COP1: variants seen among roughly 807,000 people sequenced by gnomAD.
COP1 encodes COP1 E3 ubiquitin ligase.
A neutral mutation model predicts 101.3 loss-of-function variants in COP1; 24 were observed. The observed-to-expected ratio is 0.24, with a 90% CI of 0.17 to 0.33. The LOEUF is 0.33. Ranked by LOEUF, COP1 falls within the 10% of genes least tolerant of loss-of-function variation. The probability of loss-of-function intolerance (pLI) is 1.00; values close to 1 mark genes in which losing one functional copy is unlikely to be tolerated. For missense variants in COP1, 663 were observed against 906.2 expected, an observed-to-expected ratio of 0.73 and a Z score of 3.45; for synonymous variants, 347 against 341.9, an observed-to-expected ratio of 1.01 and a Z score of -0.17.
chr1:176,095,534 A>T (rs1372150649), intron 9 of COP1, among the ~76,000 whole-genome samples: 3 of 152,240 alleles, frequency 2.0e-5, no homozygotes, highest in African/African-American at 7.2e-5. Flanking sequence ...AAAAAAAAAT[A>T]AGCTGGGCAT....
At chr1:175,993,375 C>A (rs950924923) in intron 15 of COP1, among the ~76,000 whole-genome samples, 1 of 152,160 alleles carries the variant, frequency 6.6e-6, no homozygotes, top group African/African-American at 2.4e-5. Flanking sequence ...TCACCAGCAA[C>A]GGAACAAAGC....
chr1:176,086,453 C>T (rs1276773930), intron 9 of COP1, among the ~76,000 whole-genome samples: 1 of 152,044 alleles, frequency 6.6e-6, no homozygotes, highest in Non-Finnish European at 1.5e-5. Context: ...GTCTCGATCT[C>T]CTGACCTCAT....
chr1:176,205,222 G>A (rs903335505), intron 1 of COP1, among the ~76,000 whole-genome samples: 4 of 152,218 alleles, frequency 2.6e-5, no homozygotes, highest in Admixed American at 6.5e-5. Context: ...TTAGCTACTC[G>A]CACTATCGAC....
chr1:176,019,132 C>T (rs1666211462), intron 15 of COP1, among the ~76,000 whole-genome samples: 1 of 151,786 alleles, frequency 6.6e-6, no homozygotes, highest in African/African-American at 2.4e-5. Context: ...CACCACTGCA[C>T]TCCAGCTTGG....
chr1:175,961,391 T>A (rs915138837), intron 18 of COP1, among the ~76,000 whole-genome samples: 1 of 152,186 alleles, frequency 6.6e-6, no homozygotes, highest in African/African-American at 2.4e-5. Context: ...ATTAATTTCA[T>A]GCCACTTTAT....
At chr1:176,120,434 T>TAA (rs377700975) in intron 8 of COP1, among the ~76,000 whole-genome samples, 4 of 124,336 alleles carry the variant, frequency 3.2e-5, no homozygotes, top group African/African-American at 1.2e-4. Context: ...CTCCAAAAAA[T>TAA]AAAAAAAAAA....
intron 18 of COP1, among the ~76,000 whole-genome samples, chr1:175,981,205 ATG>A (rs1239424699): frequency 6.6e-6 from 1 of 152,094 alleles, no homozygotes. Flanking sequence ...TTATTTTAAA[ATG>A]TCTTTATTTT....
chr1:176,143,210 A>T (rs1438177535), intron 6 of COP1, among the ~76,000 whole-genome samples: 1 of 152,100 alleles, frequency 6.6e-6, no homozygotes, highest in Admixed American at 6.6e-5. Context: ...TGGTGACATT[A>T]AAAACTTAAG....
At chr1:176,062,170 T>A (rs1327852117) in intron 11 of COP1, among the ~76,000 whole-genome samples, 2 of 152,008 alleles carry the variant, frequency 1.3e-5, no homozygotes, top group Non-Finnish European at 2.9e-5. Flanking sequence ...CTGGATAATT[T>A]TTTTTGTGTT....
chr1:176,157,000 C>T (rs906594831), intron 5 of COP1, among the ~76,000 whole-genome samples: 4 of 152,048 alleles, frequency 2.6e-5, no homozygotes, highest in African/African-American at 9.7e-5. Context: ...GAGTTCGAGA[C>T]CAGCCTGGTC....
intron 11 of COP1, among the ~76,000 whole-genome samples, chr1:176,057,501 G>A (rs1428095833): frequency 6.6e-6 from 1 of 152,200 alleles, no homozygotes; most frequent in Non-Finnish European, 1.5e-5. Flanking sequence ...CGCCTGATTG[G>A]TTTTCGTATT....
intron 18 of COP1, among the ~76,000 whole-genome samples, chr1:175,948,878 A>G (rs1045456159): frequency 6.6e-6 from 1 of 151,996 alleles, no homozygotes; most frequent in Non-Finnish European, 1.5e-5. Context: ...AAATAGTAAC[A>G]TGGGGGCTGG....
intron 18 of COP1, among the ~76,000 whole-genome samples, chr1:175,954,572 CTA>C (rs1191397843): frequency 6.6e-6 from 1 of 151,766 alleles, no homozygotes; most frequent in African/African-American, 2.4e-5. Context: ...ACTAGATATT[CTA>C]TAGATATTAA....
intron 18 of COP1, among the ~76,000 whole-genome samples, chr1:175,980,235 ATG>A (rs1655496475): frequency 4.6e-5 from 7 of 151,836 alleles, no homozygotes; most frequent in African/African-American, 1.2e-4. Flanking sequence ...TCAAAATACT[ATG>A]ATGTCTTTTT....
intron 15 of COP1, among the ~76,000 whole-genome samples, chr1:176,025,940 A>G (rs1175084052): frequency 2.6e-5 from 4 of 152,116 alleles, no homozygotes; most frequent in African/African-American, 9.7e-5. Context: ...ACCTAATGTA[A>G]CTGTGGAAAG....
chr1:175,995,772 A>G (rs2148814425), intron 15 of COP1, among the ~76,000 whole-genome samples: 1 of 152,302 alleles, frequency 6.6e-6, no homozygotes, highest in Middle Eastern at 3.4e-3. Context: ...ACCAACCAAA[A>G]AGAGTCCAGG....
chr1:176,177,657 T>C (rs1697154607), intron 2 of COP1, among the ~76,000 whole-genome samples: 1 of 152,174 alleles, frequency 6.6e-6, no homozygotes, highest in Admixed American at 6.5e-5. Context: ...GTAAAAATCA[T>C]TCCCACAGAG....
intron 1 of COP1, among the ~76,000 whole-genome samples, chr1:176,203,532 T>G (rs1294815891): frequency 6.6e-6 from 1 of 152,132 alleles, no homozygotes; most frequent in East Asian, 1.9e-4. Flanking sequence ...AAGTCATCTT[T>G]CAAATACAGA....
intron 9 of COP1, among the ~76,000 whole-genome samples, chr1:176,090,931 CCA>C (rs1681161904): frequency 6.6e-6 from 1 of 151,960 alleles, no homozygotes; most frequent in Admixed American, 6.6e-5. Flanking sequence ...AAAAAGAAAC[CCA>C]CAGTTAGACA....
Sources: gnomAD v4.1 joint callset for allele counts (sites outside exome capture counted in the v4.1 genomes callset) on GRCh38, gnomAD v4.1.1 for gene constraint, MANE v1.5 for transcripts, NCBI Gene and HGNC (gene_info 2026-07-23, HGNC 2026-07-21) for gene names.